Variants in CTNNA2 observed in about 807,000 individuals in gnomAD.
CTNNA2 encodes catenin alpha 2.
In CTNNA2, 42 loss-of-function variants were observed where a neutral mutation model predicts 101.0. That is an observed-to-expected ratio of 0.42 (90% CI 0.32 to 0.54). CTNNA2 has a LOEUF of 0.54. Among genes scored for constraint, CTNNA2 ranks in the 20% least tolerant of loss-of-function variants. CTNNA2 has a pLI of 0.14. For missense variants in CTNNA2, 871 were observed against 1,223.1 expected, an observed-to-expected ratio of 0.71 and a Z score of 4.29; for synonymous variants, 450 against 456.4, an observed-to-expected ratio of 0.99 and a Z score of 0.18.
intron 9 of CTNNA2, among the ~76,000 whole-genome samples, chr2:80,422,007 T>C (rs898338644): frequency 6.6e-6 from 1 of 152,198 alleles, no homozygotes; most frequent in African/African-American, 2.4e-5. Flanking sequence ...CCTTTTGGAT[T>C]TTCTATGTAC....
At chr2:80,565,855 A>G (rs1002662522) in intron 12 of CTNNA2, among the ~76,000 whole-genome samples, 2 of 152,164 alleles carry the variant, frequency 1.3e-5, no homozygotes, top group Non-Finnish European at 2.9e-5. Context: ...TCTGATCTTT[A>G]TGTAAACCCT....
At chr2:80,232,345 G>GTT (rs61454985) in intron 7 of CTNNA2, among the ~76,000 whole-genome samples, 24 of 64,818 alleles carry the variant, frequency 3.7e-4, no homozygotes, top group Non-Finnish European at 4.6e-4. Flanking sequence ...TTGTTTGTTT[G>GTT]TTTTTTTTTT....
chr2:80,560,054 CAAAAA>C (rs70940085), intron 12 of CTNNA2, among the ~76,000 whole-genome samples: 14 of 55,036 alleles, frequency 2.5e-4, no homozygotes, highest in Non-Finnish European at 4.1e-4. Flanking sequence ...AACAATAGAC[CAAAAA>C]AAAAAAAAAA....
intron 15 of CTNNA2, among the ~76,000 whole-genome samples, chr2:80,590,905 C>T (rs370873390): frequency 3.9e-5 from 6 of 152,240 alleles, no homozygotes; most frequent in South Asian, 2.1e-4. Flanking sequence ...ACAAATCAGA[C>T]GATTATGGCA....
chr2:80,347,506 A>G (rs1573793188), intron 7 of CTNNA2, among the ~76,000 whole-genome samples: 1 of 152,260 alleles, frequency 6.6e-6, no homozygotes, highest in East Asian at 1.9e-4. Flanking sequence ...AACCTAATTC[A>G]TTTATATTTG....
At chr2:79,646,476 T>A (rs571040447) in intron 1 of CTNNA2, among the ~76,000 whole-genome samples, 1 of 152,198 alleles carries the variant, frequency 6.6e-6, no homozygotes, top group African/African-American at 2.4e-5. Context: ...CCAGGTGGGC[T>A]GTATTATTAC....
chr2:79,512,775 C>T (rs1202518291), upstream of CTNNA2, among the ~76,000 whole-genome samples: 3 of 151,692 alleles, frequency 2.0e-5, no homozygotes, highest in South Asian at 2.1e-4. Flanking sequence ...CGCCCTACCC[C>T]GCCCCGCCCT....
At chr2:79,380,387 AAATGGAAGAT>A (rs1267079486) in intron 4 of CTNNA2, among the ~76,000 whole-genome samples, 1 of 10,942 alleles carries the variant, frequency 9.1e-5, no homozygotes, top group Non-Finnish European at 2.3e-4. Context: ...CATTTTATGA[AAATGGAAGAT>A]TTTATGAATT....
At chr2:79,249,173 C>A (rs6730443) in intron 2 of CTNNA2, among the ~76,000 whole-genome samples, 34,347 of 151,478 alleles carry the variant, frequency 0.23, 4,129 homozygotes, top group Admixed American at 0.35. Flanking sequence ...ATTAAATAGA[C>A]ACAATGCATG....
At chr2:79,984,978 T>C (rs188940253) in intron 7 of CTNNA2, among the ~76,000 whole-genome samples, 1 of 152,314 alleles carries the variant, frequency 6.6e-6, no homozygotes, top group African/African-American at 2.4e-5. Context: ...TGTTTACATA[T>C]TGTCTATGGC....
chr2:80,528,398 G>A (rs1354726002), intron 9 of CTNNA2, among the ~76,000 whole-genome samples: 3 of 151,988 alleles, frequency 2.0e-5, no homozygotes, highest in African/African-American at 4.8e-5. Flanking sequence ...GGGTTTCACC[G>A]TGTTAGTCAG....
intron 1 of CTNNA2, among the ~76,000 whole-genome samples, chr2:79,651,011 G>C (rs1242555895): frequency 6.6e-6 from 1 of 152,020 alleles, no homozygotes; most frequent in Non-Finnish European, 1.5e-5. Context: ...AAAAAGTCAG[G>C]AAACAACAGG....
intron 4 of CTNNA2, among the ~76,000 whole-genome samples, chr2:79,864,893 A>G (rs960345979): frequency 1.8e-4 from 27 of 152,190 alleles, no homozygotes; most frequent in African/African-American, 6.0e-4. Flanking sequence ...GGATAAGCAT[A>G]GGGAATAAGA....
At chr2:79,576,616 G>A (rs1331769481) in intron 1 of CTNNA2, among the ~76,000 whole-genome samples, 1 of 152,006 alleles carries the variant, frequency 6.6e-6, no homozygotes, top group Admixed American at 6.6e-5. Context: ...AAATTTATGG[G>A]GCGTGTGGGG....
At position 79,953,125 on chromosome 2, in the gene CTNNA2, A is replaced by G. The variant is rs146524703; in HGVS notation, c.1056+43328A>G. 8.5e-4 allele frequency among the ~76,000 whole-genome samples: 130 copies of G among 152,178 alleles called. 1 individual carries two copies. Among genetic ancestry groups the G allele is most frequent in the African/African-American group, 2.7e-3 (114 of 41,532 alleles). On this transcript the variant is annotated intron_variant, in intron 7 of 18. Coordinates refer to ENST00000402739, the MANE Select transcript of CTNNA2 (RefSeq NM_001282597.3). The stretch of plus-strand genomic sequence containing the variant: ...ATGTGGGTCCTTCTGCTGACGTTCA[A>G]TTCTCACTTCCATCCCCTCTGTCCT...
chr2:80,510,657 A>G (rs899437602), intron 9 of CTNNA2, among the ~76,000 whole-genome samples: 6 of 152,238 alleles, frequency 3.9e-5, no homozygotes, highest in Non-Finnish European at 7.3e-5. Context: ...ATTGATGATC[A>G]TTTGTTATAG....
intron 2 of CTNNA2, among the ~76,000 whole-genome samples, chr2:79,251,014 CTA>C (rs1674764217): frequency 6.6e-6 from 1 of 152,150 alleles, no homozygotes; most frequent in East Asian, 1.9e-4. Context: ...GATCAAAGTA[CTA>C]TGTCTCCGTA....
At chr2:79,423,496 CA>C (rs1470686755) in intron 4 of CTNNA2, among the ~76,000 whole-genome samples, 1 of 151,988 alleles carries the variant, frequency 6.6e-6, no homozygotes, top group East Asian at 1.9e-4. Flanking sequence ...AATACATACA[CA>C]AAAAAATCCT....
At chr2:80,595,101 A>G (rs1214939919) in intron 15 of CTNNA2, among the ~76,000 whole-genome samples, 1 of 151,984 alleles carries the variant, frequency 6.6e-6, no homozygotes, top group Non-Finnish European at 1.5e-5. Flanking sequence ...TAGTATTGAC[A>G]TCTTAATATT....
Sources: gnomAD v4.1 joint callset for allele counts (sites outside exome capture counted in the v4.1 genomes callset) on GRCh38, gnomAD v4.1.1 for gene constraint, MANE v1.5 for transcripts, NCBI Gene and HGNC (gene_info 2026-07-23, HGNC 2026-07-21) for gene names.